The following DCAF5 variants were observed in gnomAD, a reference collection of about 807,000 sequenced individuals.
DCAF5 encodes the protein DDB1 and CUL4 associated factor 5.
DCAF5 carries 9 observed loss-of-function variants against 80.7 expected under a neutral mutation model. That is an observed-to-expected ratio of 0.11 (90% CI 0.07 to 0.19). DCAF5 has a LOEUF of 0.19. Ranked by LOEUF, DCAF5 falls within the 10% of genes least tolerant of loss-of-function variation. The pLI, the probability that DCAF5 is intolerant of heterozygous loss-of-function variation, is 1.00. For synonymous variants in DCAF5, 433 were observed against 461.9 expected (o/e 0.94, Z 0.80); for missense variants, 842 against 1,205.7 (o/e 0.70, Z 4.47).
rs761856932 is a variant in DCAF5, at chr14:69,122,188, C to T, written c.358+29G>A. The T allele has an allele frequency of 7.4e-5, 119 of 1,598,760 alleles. 3 individuals carry two copies. The highest frequency in any genetic ancestry group is 8.3e-5 in the Non-Finnish European group (97 of 1,167,240). ...TTCTCTAAAATCCCAACCACAGTGA[C>T]GTTCCCAAGGTAGAATCTCCCTTTT... On this transcript the variant is annotated intron_variant, in intron 2 of 8. Transcript: ENST00000341516.
intron 5 of DCAF5, 52 bp from the exon 6 acceptor site, chr14:69,091,939 C>T: frequency 1.4e-6 from 2 of 1,466,936 alleles, no homozygotes; most frequent in Middle Eastern, 2.0e-4. Flanking sequence ...AAACAAGAGT[C>T]TGAAAAACAC....
chr14:69,148,641 G>A (rs1029473956), intron 1 of DCAF5, among the ~76,000 whole-genome samples: 2 of 152,100 alleles, frequency 1.3e-5, no homozygotes, highest in Non-Finnish European at 1.5e-5. Flanking sequence ...GTTGCAGTGA[G>A]CCGAGATCCC....
Position 69,075,400 on chromosome 14 carries a change from C to G in DCAF5, c.891G>C (p.Ser297=), listed in dbSNP as rs200483812. The part of the protein sequence containing the change: ...FAGDRDQYIL[S]GSDDFNLYMW... ...TGTACAGGTTGAAGTCATCAGAGCC[C>G]GAAAGGATATACTGTTGGAACAAAA... Residue 297 remains serine (S), a synonymous_variant, in exon 7 of 9, where the codon TCG becomes TCC. Coordinates refer to ENST00000341516, the MANE Select transcript of DCAF5 (RefSeq NM_003861.3). 1.1e-5 allele frequency: 18 copies of G among 1,596,730 alleles called. No individual in the cohort carries two copies. The highest frequency in any genetic ancestry group is 3.4e-4 in the Middle Eastern group (2 of 5,966).
At chr14:69,115,910 G>A (rs1398157190) in intron 5 of DCAF5, among the ~76,000 whole-genome samples, 1 of 151,992 alleles carries the variant, frequency 6.6e-6, no homozygotes, top group Admixed American at 6.6e-5. Flanking sequence ...ATATAATTTT[G>A]GCAGTTCAGT....
chr14:69,139,611 C>G (rs528555563), intron 1 of DCAF5, among the ~76,000 whole-genome samples: 1 of 151,756 alleles, frequency 6.6e-6, no homozygotes, highest in Non-Finnish European at 1.5e-5. Flanking sequence ...GCCAGGAGTT[C>G]AAGACCAGCT....
intron 1 of DCAF5, among the ~76,000 whole-genome samples, chr14:69,132,973 T>A (rs185252950): frequency 1.4e-4 from 21 of 152,342 alleles, no homozygotes; most frequent in Non-Finnish European, 2.6e-4. Flanking sequence ...ATGAGATAGA[T>A]CTGTGTAAAA....
At chr14:69,086,964 T>C (rs1322599441) in intron 6 of DCAF5, among the ~76,000 whole-genome samples, 3 of 152,228 alleles carry the variant, frequency 2.0e-5, no homozygotes, top group African/African-American at 7.2e-5. Context: ...TTTCTCCTTT[T>C]GTGTACATCC....
chr14:69,071,617 G>GGAGA (rs1023112950), intron 7 of DCAF5, among the ~76,000 whole-genome samples: 2 of 151,900 alleles, frequency 1.3e-5, no homozygotes, highest in African/African-American at 2.4e-5. Context: ...GGGGGAAGAG[G>GGAGA]GAGAGAGAGA....
rs1014748323 is a variant in DCAF5 at position 69,130,477 on chromosome 14, G to GA, written c.215-8118dup. On this transcript the variant is annotated intron_variant, in intron 1 of 8. Transcript: ENST00000341516. ...ATGGGTAGTTTCTGTTTTGCAAGAT[G>GA]AAAAATTCTAAAGATGGATGTGGTG... Among the ~76,000 whole-genome samples, 87 of 152,178 alleles carry GA rather than the reference G, an allele frequency of 5.7e-4. 1 individual carries two copies. Among genetic ancestry groups the GA allele is most frequent in the Admixed American group, 5.9e-4 (9 of 15,282 alleles).
chr14:69,133,748 G>A (rs770545547), intron 1 of DCAF5, among the ~76,000 whole-genome samples: 1 of 152,108 alleles, frequency 6.6e-6, no homozygotes, highest in African/African-American at 2.4e-5. Flanking sequence ...TCTCTAATGA[G>A]GTAAGTAGAA....
Position 69,109,067 on chromosome 14 carries a change from C to T in DCAF5, c.665+7299G>A, listed in dbSNP as rs183771103. Among the ~76,000 whole-genome samples the T allele has an allele frequency of 9.9e-5, 15 of 152,196 alleles. No individual in the cohort carries two copies. In the East Asian group the frequency reaches 1.2e-3, roughly 12 times the overall value. On this transcript the variant is annotated intron_variant, in intron 5 of 8. Coordinates refer to ENST00000341516, the MANE Select transcript of DCAF5 (RefSeq NM_003861.3). ...AAGATACAACATAATACAGGCCAGGCGCGGTGGCTCACACCTGTAATCCCA... is the reference window on the plus strand; with the variant it reads ...AAGATACAACATAATACAGGCCAGGTGCGGTGGCTCACACCTGTAATCCCA...
At chr14:69,070,255 A>G (rs986606683) in intron 7 of DCAF5, among the ~76,000 whole-genome samples, 3 of 152,182 alleles carry the variant, frequency 2.0e-5, no homozygotes. Flanking sequence ...GGCAATATAA[A>G]TATTTTCAAG....
In DCAF5 at chr14:69,136,601, A is replaced by G. The variant is rs73278993; in HGVS notation, c.215-14241T>C. On this transcript the variant is annotated intron_variant, in intron 1 of 8. Transcript: ENST00000341516. ...AATGTTTTTTCACTTATGAAAACTA[A>G]TATTTTTTCAGTTTGAGAACTGTTA... is the stretch of plus-strand genomic sequence containing the variant. Among the ~76,000 whole-genome samples, 1,061 of 152,274 alleles carry G rather than the reference A, an allele frequency of 7.0e-3. 15 individuals carry two copies. Among genetic ancestry groups the G allele is most frequent in the African/African-American group, 0.024 (1,012 of 41,558 alleles).
intron 1 of DCAF5, among the ~76,000 whole-genome samples, chr14:69,125,613 C>T (rs2040848854): frequency 6.6e-6 from 1 of 152,174 alleles, no homozygotes; most frequent in Non-Finnish European, 1.5e-5. Flanking sequence ...CAAGAAAGTT[C>T]ACTGAAGCAT....
intron 6 of DCAF5, among the ~76,000 whole-genome samples, chr14:69,088,063 GACA>G (rs1377714312): frequency 5.9e-5 from 9 of 152,134 alleles, no homozygotes; most frequent in Non-Finnish European, 1.2e-4. Context: ...CGGAGGCCCT[GACA>G]ACAACGGGCT....
At position 69,052,835 on chromosome 14, in the gene DCAF5, CAA is replaced by C. The variant is rs1452320407; in HGVS notation, c.*1020_*1021del. The C allele has an allele frequency of 6.6e-6, 1 of 152,248 alleles. No homozygotes were observed. Among genetic ancestry groups the C allele is most frequent in the Non-Finnish European group, 1.5e-5 (1 of 68,064 alleles). 9.4% of individuals were successfully genotyped at this position (152,248 alleles called of 1,614,324 possible). A position where few individuals can be genotyped will look rare whatever the true frequency, so the allele number is the denominator to read the frequency against. On this transcript the variant is annotated 3_prime_UTR_variant, in exon 9 of 9. Transcript: ENST00000341516. ...AGATGCCAGTCCCACCAATTCTGAC[CAA>C]TGGTTCTGGGTTGAGTTAAATGAAT...
intron 5 of DCAF5, among the ~76,000 whole-genome samples, chr14:69,096,043 G>C (rs1244852814): frequency 2.0e-5 from 3 of 152,112 alleles, no homozygotes; most frequent in African/African-American, 7.2e-5. Context: ...AAGGAATATG[G>C]GATGTTTTGT....
At chr14:69,056,361 T>C (rs1166837080) in intron 8 of DCAF5, among the ~76,000 whole-genome samples, 3 of 152,168 alleles carry the variant, frequency 2.0e-5, no homozygotes, top group Admixed American at 6.5e-5. Context: ...CCACTCATAA[T>C]ACCCCTCCAC....
chr14:69,063,088 T>C (rs916031679), intron 7 of DCAF5, among the ~76,000 whole-genome samples: 2 of 152,162 alleles, frequency 1.3e-5, no homozygotes, highest in African/African-American at 4.8e-5. Flanking sequence ...ACTAAGGATA[T>C]AGAAAGAAAG....
Sources: gnomAD v4.1 joint callset for allele counts (sites outside exome capture counted in the v4.1 genomes callset) on GRCh38, gnomAD v4.1.1 for gene constraint, MANE v1.5 for transcripts, NCBI Gene and HGNC (gene_info 2026-07-23, HGNC 2026-07-21) for gene names.